Variants in SLC8A1 observed in about 807,000 individuals in gnomAD.
SLC8A1 encodes solute carrier family 8 member A1.
A neutral mutation model predicts 68.3 loss-of-function variants in SLC8A1; 18 were observed. The ratio of observed to expected loss-of-function variants is 0.26; its 90% CI spans 0.18 to 0.39. The LOEUF (loss-of-function observed/expected upper bound fraction) is 0.39. SLC8A1 is among the 10% of genes least tolerant of loss of function. The pLI, the probability that SLC8A1 is intolerant of heterozygous loss-of-function variation, is 1.00. For synonymous variants in SLC8A1, 475 were observed against 415.5 expected, an observed-to-expected ratio of 1.14 and a Z score of -1.74; for missense variants, 985 against 1,156.7, an observed-to-expected ratio of 0.85 and a Z score of 2.15.
At chr2:40,310,061 G>C (rs146967391) in intron 2 of SLC8A1, among the ~76,000 whole-genome samples, 2 of 152,248 alleles carry the variant, frequency 1.3e-5, no homozygotes, top group African/African-American at 4.8e-5. Flanking sequence ...CATACAATAT[G>C]TCACCTTTTG....
intron 2 of SLC8A1, among the ~76,000 whole-genome samples, chr2:40,180,227 G>C (rs1422112212): frequency 1.9e-5 from 1 of 52,878 alleles, no homozygotes; most frequent in African/African-American, 6.0e-5. Flanking sequence ...TTTTAAATTT[G>C]CATCTTTAGT....
At chr2:40,181,832 A>T (rs771124985) in intron 2 of SLC8A1, among the ~76,000 whole-genome samples, 2 of 152,172 alleles carry the variant, frequency 1.3e-5, no homozygotes, top group African/African-American at 2.4e-5. Flanking sequence ...CATCCTTAGG[A>T]TGTCTCCTTT....
At chr2:40,377,346 A>G (rs1680220480) in intron 2 of SLC8A1, among the ~76,000 whole-genome samples, 1 of 152,088 alleles carries the variant, frequency 6.6e-6, no homozygotes, top group African/African-American at 2.4e-5. Context: ...AGCCTTGGCC[A>G]ATACCTTGAG....
At chr2:40,376,467 G>T (rs778406425) in intron 2 of SLC8A1, among the ~76,000 whole-genome samples, 1 of 152,040 alleles carries the variant, frequency 6.6e-6, no homozygotes, top group African/African-American at 2.4e-5. Flanking sequence ...GCACAAAATA[G>T]ACATTGTAAA....
At chr2:40,483,403 G>A (rs1201559527) in intron 1 of SLC8A1, among the ~76,000 whole-genome samples, 1 of 152,078 alleles carries the variant, frequency 6.6e-6, no homozygotes, top group African/African-American at 2.4e-5. Context: ...GGGAGAGGGT[G>A]GGTGAGATAG....
chr2:40,422,341 A>G (rs910881887), intron 2 of SLC8A1, among the ~76,000 whole-genome samples: 3 of 152,268 alleles, frequency 2.0e-5, no homozygotes, highest in African/African-American at 7.2e-5. Context: ...GAAAACCTCA[A>G]TAGTTCCCAT....
exon 8 of SLC8A1, chr2:40,112,564 A>G (rs1355030724): frequency 6.6e-6 from 1 of 152,594 alleles, no homozygotes; most frequent in African/African-American, 2.4e-5. Context: ...CAGCTAAAAA[A>G]TGAGTGCAAA....
Position 40,346,800 on chromosome 2 carries a change from C to T in SLC8A1, c.1808+81673G>A, listed in dbSNP as rs79949900. Among the ~76,000 whole-genome samples the T allele has an allele frequency of 6.3e-3, 956 of 152,228 alleles. 5 individuals are homozygous for T. Among genetic ancestry groups the T allele is most frequent in the Non-Finnish European group, 9.8e-3 (666 of 68,012 alleles). On this transcript the variant is annotated intron_variant, in intron 2 of 7. Transcript: ENST00000406785. ...AAGGAAAGGGAAAAAAGTCTTGTAG[C>T]TCAATGATCTTTCTAGTTTGGAATA... is the stretch of plus-strand genomic sequence containing the variant.
chr2:40,293,171 T>C (rs1055899585), intron 2 of SLC8A1, among the ~76,000 whole-genome samples: 1 of 152,190 alleles, frequency 6.6e-6, no homozygotes, highest in Non-Finnish European at 1.5e-5. Flanking sequence ...TCCTATTCAA[T>C]GTCTATTGAC....
At chr2:40,419,754 T>C (rs534145896) in intron 2 of SLC8A1, among the ~76,000 whole-genome samples, 3 of 152,138 alleles carry the variant, frequency 2.0e-5, no homozygotes, top group African/African-American at 2.4e-5. Context: ...CCTATGCAAA[T>C]AGGACTTAAT....
chr2:40,255,661 A>AATAAATACGTGCAGAATT (rs1341266037), intron 2 of SLC8A1, among the ~76,000 whole-genome samples: 2 of 152,212 alleles, frequency 1.3e-5, no homozygotes, highest in African/African-American at 4.8e-5. Flanking sequence ...TGTTGTGGAA[A>AATAAATACGTGCAGAATT]ATAAATACGT....
At chr2:40,444,804 C>T (rs1701132952) in intron 1 of SLC8A1, among the ~76,000 whole-genome samples, 1 of 152,166 alleles carries the variant, frequency 6.6e-6, no homozygotes, top group South Asian at 2.1e-4. Context: ...TCTATGATTG[C>T]TTTCTTGCTA....
intron 2 of SLC8A1, among the ~76,000 whole-genome samples, chr2:40,271,801 G>A (rs756465280): frequency 2.6e-5 from 4 of 152,186 alleles, no homozygotes; most frequent in Non-Finnish European, 4.4e-5. Flanking sequence ...AGTGTCCCAC[G>A]GATTGACTCA....
At chr2:40,181,063 G>A (rs889328384) in intron 2 of SLC8A1, among the ~76,000 whole-genome samples, 2 of 152,068 alleles carry the variant, frequency 1.3e-5, no homozygotes, top group Non-Finnish European at 2.9e-5. Context: ...AGGTTCAAGC[G>A]ATTCCCCTGC....
chr2:40,508,047 C>T (rs1355302381), intron 1 of SLC8A1, among the ~76,000 whole-genome samples: 1 of 152,018 alleles, frequency 6.6e-6, no homozygotes, highest in Non-Finnish European at 1.5e-5. Context: ...TCAACAATAG[C>T]TTGCAATTGG....
At position 40,229,810 on chromosome 2, in the gene SLC8A1, A is replaced by AGAAC. The variant is rs2059429162; in HGVS notation, c.1809-51956_1809-51955insGTTC. Among the ~76,000 whole-genome samples the AGAAC allele has an allele frequency of 8.5e-5, 13 of 152,298 alleles. No individual in the cohort carries two copies. In the South Asian group the frequency reaches 2.5e-3, roughly 29 times the overall value. ...TATTGTGTGCTTGGTTCTTTAAAAA[A>AGAAC]CAGTTATGCACATGTAAAAAAAGTA... On this transcript the variant is annotated intron_variant, in intron 2 of 7. Transcript: ENST00000406785.
intron 1 of SLC8A1, among the ~76,000 whole-genome samples, chr2:40,472,528 G>A (rs986378539): frequency 1.3e-5 from 2 of 152,024 alleles, no homozygotes; most frequent in Non-Finnish European, 2.9e-5. Flanking sequence ...AAGATCTTTG[G>A]TTAAAAAATA....
chr2:40,266,158 G>A (rs2065331718), intron 2 of SLC8A1, among the ~76,000 whole-genome samples: 1 of 152,168 alleles, frequency 6.6e-6, no homozygotes, highest in Non-Finnish European at 1.5e-5. Context: ...AAATATGTGT[G>A]CATTTTTAAA....
At chr2:40,282,595 G>C (rs2067685026) in intron 2 of SLC8A1, among the ~76,000 whole-genome samples, 1 of 152,300 alleles carries the variant, frequency 6.6e-6, no homozygotes, top group Non-Finnish European at 1.5e-5. Flanking sequence ...AATGCTAAGT[G>C]AGATGCATCA....
Sources: allele counts gnomAD v4.1 joint callset (sites outside exome capture counted in the v4.1 genomes callset), GRCh38; gene constraint gnomAD v4.1.1; transcripts MANE v1.5; gene names NCBI Gene and HGNC (gene_info 2026-07-23, HGNC 2026-07-21).